Variants in HDAC4 observed in about 807,000 individuals in gnomAD.
HDAC4 encodes histone deacetylase A.
HDAC4 carries 16 observed loss-of-function variants against 135.1 expected under a neutral mutation model. The observed-to-expected ratio is 0.12, with a 90% CI of 0.08 to 0.18. The LOEUF (loss-of-function observed/expected upper bound fraction) is 0.18. Among genes scored for constraint, HDAC4 ranks in the 10% least tolerant of loss-of-function variants. HDAC4 has a pLI of 1.00. For synonymous variants in HDAC4, 685 were observed against 653.4 expected (o/e 1.05, Z -0.74); for missense variants, 1,143 against 1,511.8 (o/e 0.76, Z 4.05).
chr2:239,049,127 T>C lies in HDAC4; in HGVS notation c.*3970A>G, dbSNP rs1251376398. 2.6e-5 allele frequency: 4 copies of C among 152,370 alleles called. No individual in the cohort carries two copies. The highest frequency in any genetic ancestry group is 6.5e-5 in the Admixed American group (1 of 15,290). 9.4% of individuals were successfully genotyped at this position (152,370 alleles called of 1,614,324 possible). On this transcript the variant is annotated 3_prime_UTR_variant, in exon 27 of 27. Coordinates refer to ENST00000543185, the MANE Select transcript of HDAC4 (RefSeq NM_001378414.1). ...TTCCACATAAATACAATAAACTCTA[T>C]TATTGGTATGTCACAAGTGCTAGAT...
chr2:239,190,164 CTT>C, intron 3 of HDAC4, 87 bp from the exon 4 acceptor site: 2 of 1,437,962 alleles, frequency 1.4e-6, no homozygotes, highest in Non-Finnish European at 1.8e-6. Flanking sequence ...CACTGGCCAC[CTT>C]CACGGGGCGG....
intron 3 of HDAC4, among the ~76,000 whole-genome samples, chr2:239,199,550 CA>C (rs1239838722): frequency 6.6e-6 from 1 of 152,108 alleles, no homozygotes; most frequent in Non-Finnish European, 1.5e-5. Flanking sequence ...GGTCTCGTGG[CA>C]GCCTCCAAAC....
chr2:239,053,528 C>G lies in HDAC4; in HGVS notation c.3162G>C (p.Glu1054Asp). Residue 1054 changes from glutamate to aspartate, a missense_variant, in exon 26 of 27, where the codon GAG becomes GAC. Coordinates refer to ENST00000543185, the MANE Select transcript of HDAC4 (RefSeq NM_001378414.1). ...CGGTGACCGTCTCGGCTTCTTCGTT[C>G]TCGCAAGTCTGAGCCTCGATCAGAG... ...GRSLIEAQTC[E>D]NEEAETVTAM... 2 of 1,613,928 alleles carry G rather than the reference C, an allele frequency of 1.2e-6. No homozygotes were observed. The highest frequency in any genetic ancestry group is 1.7e-6 in the Non-Finnish European group (2 of 1,180,008).
chr2:239,089,728 CTTTT>C (rs372528457), intron 18 of HDAC4: 25 of 293,596 alleles, frequency 8.5e-5, no homozygotes, highest in East Asian at 2.5e-4. Context: ...CTCTTTGGAG[CTTTT>C]TTTTTTTTTT....
In HDAC4 at chr2:239,371,605, TCACA is replaced by T. The variant is rs560974959; in HGVS notation, c.-219-18691_-219-18688del. On this transcript the variant is annotated intron_variant, in intron 1 of 26. Coordinates refer to ENST00000543185, the MANE Select transcript of HDAC4 (RefSeq NM_001378414.1). ...CACAGACATTCACAAACACTCATGC[TCACA>T]CATTCACACTCACAAATACACTCAT... 1.2e-3 allele frequency among the ~76,000 whole-genome samples: 189 copies of T among 152,132 alleles called. No individual in the cohort carries two copies. The Middle Eastern group carries it at 0.017, about 14-fold the overall frequency.
intron 3 of HDAC4, among the ~76,000 whole-genome samples, chr2:239,220,070 A>G (rs1283903046): frequency 6.6e-6 from 1 of 152,242 alleles, no homozygotes; most frequent in African/African-American, 2.4e-5. Flanking sequence ...CCTCCATGAA[A>G]CATTTACAAA....
At position 239,054,768 on chromosome 2, in the gene HDAC4, C is replaced by T. The variant is rs375837173; in HGVS notation, c.3069G>A (p.Glu1023=). The T allele has an allele frequency of 1.9e-6, 3 of 1,612,098 alleles. No individual in the cohort carries two copies. The African/African-American group carries it at 4.0e-5, about 22-fold the overall frequency. The change falls in exon 25 of 27, where the codon GAG becomes GAA. Residue 1023 remains glutamate, a synonymous_variant. Coordinates refer to ENST00000543185, the MANE Select transcript of HDAC4 (RefSeq NM_001378414.1). The stretch of plus-strand genomic sequence containing the variant: ...ACTTACTGTGGATCTCCATGACTTT[C>T]TCCATGGAACGGACAGCGTTTGCAT... ...RPNANAVRSM[E]KVMEIHSKYW...
At chr2:239,147,974 G>A (rs1363388941) in intron 7 of HDAC4, among the ~76,000 whole-genome samples, 4 of 152,198 alleles carry the variant, frequency 2.6e-5, no homozygotes, top group East Asian at 3.8e-4. Flanking sequence ...GAGCCGGAAC[G>A]CTTTAACTCT....
intron 2 of HDAC4, among the ~76,000 whole-genome samples, chr2:239,348,153 C>T (rs1692850714): frequency 6.6e-6 from 1 of 151,024 alleles, no homozygotes; most frequent in Non-Finnish European, 1.5e-5. Flanking sequence ...AATCCACGTC[C>T]CAGCAAATGC....
At chr2:239,258,328 G>A (rs770870745) in intron 2 of HDAC4, among the ~76,000 whole-genome samples, 4 of 149,344 alleles carry the variant, frequency 2.7e-5, no homozygotes, top group African/African-American at 4.9e-5. Flanking sequence ...TCAAAAGCAC[G>A]TCTGAAAGGA....
At chr2:239,057,001 G>A (rs1312993789) in intron 24 of HDAC4, among the ~76,000 whole-genome samples, 1 of 152,236 alleles carries the variant, frequency 6.6e-6, no homozygotes, top group Non-Finnish European at 1.5e-5. Flanking sequence ...GACTAAATGT[G>A]ACGTGTGATC....
chr2:239,085,043 C>CAGACAG lies in HDAC4; in HGVS notation c.2445-802_2445-801insCTGTCT, dbSNP rs56297930. ...ACAGTTCCATACTGAGACAGACAGA[C>CAGACAG]ACACACACACACACACACACACACA... On this transcript the variant is annotated intron_variant, in intron 19 of 26. Transcript: ENST00000543185. Among the ~76,000 whole-genome samples, 12 of 81,542 alleles carry CAGACAG rather than the reference C, an allele frequency of 1.5e-4. No individual in the cohort carries two copies. The South Asian group carries it at 1.7e-3, about 12-fold the overall frequency. The allele number at this position is 81,542 out of a possible 152,430, so 53.5% of individuals were successfully genotyped here.
At position 239,052,859 on chromosome 2, in the gene HDAC4, G is replaced by A. The variant is rs962349530; in HGVS notation, c.*238C>T. On this transcript the variant is annotated 3_prime_UTR_variant, in exon 27 of 27. Coordinates refer to ENST00000543185, the MANE Select transcript of HDAC4 (RefSeq NM_001378414.1). ...GGCTTCCGCGTGTCCGTGTGTCTGC[G>A]CGTCGCCGGCGTCTGTCCCGTGTTC... 13 of 573,286 alleles carry A rather than the reference G, an allele frequency of 2.3e-5. No individual in the cohort carries two copies. The highest frequency in any genetic ancestry group is 3.8e-5 in the African/African-American group (2 of 53,322). The allele number at this position is 573,286 out of a possible 1,614,324, so 35.5% of individuals were successfully genotyped here.
At chr2:239,379,208 C>A (rs1695242822) in intron 1 of HDAC4, among the ~76,000 whole-genome samples, 1 of 152,008 alleles carries the variant, frequency 6.6e-6, no homozygotes, top group Non-Finnish European at 1.5e-5. Context: ...GAGAGTCCAG[C>A]CAGGGGGAGT....
chr2:239,368,270 G>C (rs2125994253), intron 1 of HDAC4, among the ~76,000 whole-genome samples: 1 of 152,260 alleles, frequency 6.6e-6, no homozygotes, highest in Admixed American at 6.5e-5. Context: ...GGAGGGCCCT[G>C]AATGTCAGAT....
intron 4 of HDAC4, among the ~76,000 whole-genome samples, chr2:239,178,972 G>A (rs370232287): frequency 1.3e-5 from 2 of 151,094 alleles, no homozygotes; most frequent in African/African-American, 2.4e-5. Context: ...TGGGGAGTGC[G>A]TGCGAGGCAG....
At chr2:239,311,536 C>T (rs756730380) in intron 2 of HDAC4, among the ~76,000 whole-genome samples, 9 of 152,074 alleles carry the variant, frequency 5.9e-5, no homozygotes, top group African/African-American at 1.2e-4. Flanking sequence ...CGATATAAAA[C>T]GGCACCCGCG....
chr2:239,148,809 G>A (rs1380750544), intron 7 of HDAC4, among the ~76,000 whole-genome samples: 1 of 152,230 alleles, frequency 6.6e-6, no homozygotes, highest in Non-Finnish European at 1.5e-5. Flanking sequence ...CACGCACCGG[G>A]CAGTGGGGCC....
chr2:239,140,920 G>A lies in HDAC4; in HGVS notation c.866-1124C>T, dbSNP rs1355052885. On this transcript the variant is annotated intron_variant, in intron 8 of 26. Transcript: ENST00000543185. ...TGGAGGTGGTGACTCTGCAAATATA[G>A]CCCCGAGCCACAGTGAGGAGGATGA... is the stretch of plus-strand genomic sequence containing the variant. 6.5e-6 allele frequency: 3 copies of A among 459,986 alleles called. No homozygotes were observed. In the Admixed American group the frequency reaches 7.2e-5, roughly 11 times the overall value. 28.5% of individuals were successfully genotyped at this position (459,986 alleles called of 1,614,324 possible).
Sources: allele counts gnomAD v4.1 joint callset (sites outside exome capture counted in the v4.1 genomes callset), GRCh38; gene constraint gnomAD v4.1.1; transcripts MANE v1.5; gene names NCBI Gene and HGNC (gene_info 2026-07-23, HGNC 2026-07-21).